Variants in PTPN23 observed in about 807,000 individuals in gnomAD.
PTPN23 encodes the protein protein tyrosine phosphatase non-receptor type 23.
A neutral mutation model predicts 156.3 loss-of-function variants in PTPN23; 72 were observed. That is an observed-to-expected ratio of 0.46 (90% CI 0.38 to 0.56). The LOEUF (loss-of-function observed/expected upper bound fraction) is 0.56. Among genes scored for constraint, PTPN23 ranks in the 20% least tolerant of loss-of-function variants. PTPN23 has a pLI of 0.00. For missense variants in PTPN23, 1,974 were observed against 2,171.5 expected (o/e 0.91, Z 1.81); for synonymous variants, 957 against 899.6 (o/e 1.06, Z -1.14).
Position 47,394,708 on chromosome 3 carries a change from T to A in PTPN23, c.85-1435T>A, listed in dbSNP as rs187582189. On this transcript the variant is annotated intron_variant, in intron 1 of 24. Transcript: ENST00000265562. ...TTTGGTCCTAGAGGCTTTGGGAAGC[T>A]ACTGCACACATTCTTTTTAGATTAT... Among the ~76,000 whole-genome samples, 4 of 152,358 alleles carry A rather than the reference T, an allele frequency of 2.6e-5. No individual in the cohort carries two copies. In the East Asian group the frequency reaches 5.8e-4, roughly 22 times the overall value.
rs1171338122 is a variant in PTPN23, at chr3:47,411,213, C to T, written c.3415C>T (p.Pro1139Ser). The change falls in exon 20 of 25, where the codon CCC (proline) becomes TCC (serine). Residue 1139 changes from proline (P) to serine (S), a missense_variant. Transcript: ENST00000265562. The surrounding 1 kb of genome is among the most constrained non-coding windows in gnomAD (Gnocchi z 6.3). The part of the protein sequence containing the change: ...GGTQSPGGGQ[P>S]LLQPTKVDAA... ...CACTCAGTCTCCTGGGGGTGGGCAGCCCCTGCTGCAGCCCACCAAGGTGGA... is the reference window on the plus strand; with the variant it reads ...CACTCAGTCTCCTGGGGGTGGGCAGTCCCTGCTGCAGCCCACCAAGGTGGA... 1 of 1,604,664 alleles carries T rather than the reference C, an allele frequency of 6.2e-7. No homozygotes were observed. Among genetic ancestry groups the T allele is most frequent in the South Asian group, 1.1e-5 (1 of 90,616 alleles).
intron 2 of PTPN23, among the ~76,000 whole-genome samples, chr3:47,399,244 G>A (rs1276909104): frequency 6.6e-6 from 1 of 152,154 alleles, no homozygotes; most frequent in Admixed American, 6.5e-5. Context: ...TGGGGGTGGG[G>A]GATGGGTGGC....
chr3:47,410,212 C>T lies in PTPN23; in HGVS notation c.2414C>T (p.Pro805Leu). 1.2e-6 allele frequency: 2 copies of T among 1,610,798 alleles called. No individual in the cohort carries two copies. Among genetic ancestry groups the T allele is most frequent in the Non-Finnish European group, 1.7e-6 (2 of 1,178,438 alleles). ...TCGGGCCCCACCCAGCTGATACAGC[C>T]CAGGGCCCCAGGGCCCCATGCAATG... ...TYSGPTQLIQ[P>L]RAPGPHAMPV... Residue 805 changes from proline to leucine, a missense_variant, in exon 20 of 25, where the codon CCC becomes CTC. Coordinates refer to ENST00000265562, the MANE Select transcript of PTPN23 (RefSeq NM_015466.4).
At chr3:47,390,857 A>G (rs545218463) in intron 1 of PTPN23, among the ~76,000 whole-genome samples, 1 of 152,328 alleles carries the variant, frequency 6.6e-6, no homozygotes, top group East Asian at 1.9e-4. Context: ...TTTTTAAAAA[A>G]TAGAAATGCT....
At position 47,407,285 on chromosome 3, in the gene PTPN23, C is replaced by G; in HGVS notation, c.865-24C>G. 1 of 1,613,666 alleles carries G rather than the reference C, an allele frequency of 6.2e-7. No homozygotes were observed. Among genetic ancestry groups the G allele is most frequent in the South Asian group, 1.1e-5 (1 of 91,056 alleles). Reference sequence around the variant, plus strand: ...GCCAGCCTTGGTTAGTGCTAAGGCCCCACCCCTGTCCCTAACCCCACAGGG... The same window carrying G: ...GCCAGCCTTGGTTAGTGCTAAGGCCGCACCCCTGTCCCTAACCCCACAGGG... On this transcript the variant is annotated intron_variant, in intron 10 of 24. Transcript: ENST00000265562. The surrounding 1 kb of genome is among the most constrained non-coding windows in gnomAD (Gnocchi z 4.0).
At position 47,406,095 on chromosome 3, in the gene PTPN23, G is replaced by A. The variant is rs778109596; in HGVS notation, c.546+49G>A. On this transcript the variant is annotated intron_variant, in intron 6 of 24. Transcript: ENST00000265562. This position sits in a 1 kb window ranked among gnomAD's most constrained non-coding sequence, Gnocchi z 5.8. ...TGGAGTTGAATCCAGGGAAGGGGAT[G>A]GCCAGGGAGGGGGCAGTTGGGCCTG... is the stretch of plus-strand genomic sequence containing the variant. 65 of 1,596,088 alleles carry A rather than the reference G, an allele frequency of 4.1e-5. No individual in the cohort carries two copies. Among genetic ancestry groups the A allele is most frequent in the Non-Finnish European group, 4.9e-5 (57 of 1,172,128 alleles).
At chr3:47,382,589 G>A (rs1219752930) in intron 1 of PTPN23, among the ~76,000 whole-genome samples, 1 of 151,504 alleles carries the variant, frequency 6.6e-6, no homozygotes, top group Non-Finnish European at 1.5e-5. Context: ...CCAAAGTGCT[G>A]GGATTACAGG....
Position 47,410,108 on chromosome 3 carries a change from C to G in PTPN23, c.2310C>G (p.His770Gln). The G allele has an allele frequency of 6.2e-7, 1 of 1,604,690 alleles. No homozygotes were observed. The change falls in exon 20 of 25, where the codon CAC (histidine) becomes CAG (glutamine). Residue 770 changes from histidine to glutamine, a missense_variant. By Grantham distance (24) the His-to-Gln change is conservative (BLOSUM62 0). This residue lies in a region of PTPN23 where 731 missense variants were observed against 669.1 expected (regional missense o/e 1.09). Coordinates refer to ENST00000265562, the MANE Select transcript of PTPN23 (RefSeq NM_015466.4). ...DTFLGSATPL[H>Q]FPPSPFPSST... The stretch of plus-strand genomic sequence containing the variant: ...TCCTGGGAAGTGCCACCCCGCTCCA[C>G]TTTCCTCCCAGCCCCTTCCCCAGCT...
rs1205497617 is a variant in PTPN23, at chr3:47,409,148, C to G, written c.1643-15C>G. Reference sequence around the variant, plus strand: ...TGGGGGTTTCTCTGGCCTCACTGACCACTGCTGCCCACAGAGGACAAGGCC... The same window carrying G: ...TGGGGGTTTCTCTGGCCTCACTGACGACTGCTGCCCACAGAGGACAAGGCC... On this transcript the variant is annotated splice_polypyrimidine_tract_variant and intron_variant, in intron 16 of 24. Transcript: ENST00000265562. 3.1e-6 allele frequency: 5 copies of G among 1,610,344 alleles called. No individual in the cohort carries two copies. The highest frequency in any genetic ancestry group is 1.1e-5 in the South Asian group (1 of 90,738).
intron 1 of PTPN23, among the ~76,000 whole-genome samples, chr3:47,382,675 CTTTTCTTTTTTTTTTTTTTTTT>C (rs1176326834): frequency 1.6e-5 from 1 of 63,272 alleles, no homozygotes; most frequent in Admixed American, 1.9e-4. Context: ...TTTTCTTTTT[CTTTTCTTTTTTTTTTTTTTTTT>C]TTTTTTTTTG....
rs1364343887 is a variant in PTPN23 at position 47,410,405 on chromosome 3, A to G, written c.2607A>G (p.Ser869=). The stretch of plus-strand genomic sequence containing the variant: ...CCTCGGCCCCACCTCCTCAATTCTC[A>G]GGCCCCGAGTTGGCCATGGCGGTTC... ...GLPSAPPPQF[S]GPELAMAVRP... The change falls in exon 20 of 25, where the codon TCA becomes TCG. Residue 869 remains serine (S), a synonymous_variant. Transcript: ENST00000265562. 6.2e-7 allele frequency: 1 copy of G among 1,611,582 alleles called. No homozygotes were observed. The highest frequency in any genetic ancestry group is 8.5e-7 in the Non-Finnish European group (1 of 1,179,214).
Position 47,412,850 on chromosome 3 carries a change from C to T in PTPN23, c.4576C>T (p.Pro1526Ser). ...PVASLPGPAE[P>S]PGLPPASLPE... is the part of the protein sequence containing the mutation. ...TGCCAGCTTGCCAGGCCCTGCAGAG[C>T]CCCCAGGCCTCCCGCCAGCCAGCCT... is the stretch of plus-strand genomic sequence containing the variant. The change falls in exon 25 of 25, where the codon CCC becomes TCC. Residue 1526 changes from proline (P) to serine (S), a missense_variant. Physicochemically the swap from Pro to Ser is moderately conservative, Grantham distance 74. Coordinates refer to ENST00000265562, the MANE Select transcript of PTPN23 (RefSeq NM_015466.4). 1 of 1,613,334 alleles carries T rather than the reference C, an allele frequency of 6.2e-7. No homozygotes were observed. Among genetic ancestry groups the T allele is most frequent in the Non-Finnish European group, 8.5e-7 (1 of 1,179,804 alleles).
At position 47,407,059 on chromosome 3, in the gene PTPN23, G is replaced by A. The variant is rs944412460; in HGVS notation, c.808-71G>A. On this transcript the variant is annotated intron_variant, in intron 9 of 24. Coordinates refer to ENST00000265562, the MANE Select transcript of PTPN23 (RefSeq NM_015466.4). This position sits in a 1 kb window ranked among gnomAD's most constrained non-coding sequence, Gnocchi z 4.0. ...TGTCATCTGATGGACAGGCAGGGCCGGGTGGGAGGCAGGAGGAGAAAGGGT... is the reference window on the plus strand; with the variant it reads ...TGTCATCTGATGGACAGGCAGGGCCAGGTGGGAGGCAGGAGGAGAAAGGGT... 36 of 1,592,100 alleles carry A rather than the reference G, an allele frequency of 2.3e-5. 1 individual carries two copies. The highest frequency in any genetic ancestry group is 1.0e-4 in the Admixed American group (6 of 59,616).
At position 47,413,254 on chromosome 3, in the gene PTPN23, A is replaced by G. The variant is rs1329997404; in HGVS notation, c.*69A>G. 2.6e-6 allele frequency: 4 copies of G among 1,531,740 alleles called. No individual in the cohort carries two copies. Among genetic ancestry groups the G allele is most frequent in the Non-Finnish European group, 3.5e-6 (4 of 1,132,448 alleles). 94.9% of individuals were successfully genotyped at this position (1,531,740 alleles called of 1,614,324 possible). Reference sequence around the variant, plus strand: ...TCATGCCCACCTGCCCACACCCAGCAGAGCTTCTCAGTGGGCACAGTCTCT... The same window carrying G: ...TCATGCCCACCTGCCCACACCCAGCGGAGCTTCTCAGTGGGCACAGTCTCT... On this transcript the variant is annotated 3_prime_UTR_variant, in exon 25 of 25. Coordinates refer to ENST00000265562, the MANE Select transcript of PTPN23 (RefSeq NM_015466.4).
chr3:47,392,258 T>A (rs1325693535), intron 1 of PTPN23, among the ~76,000 whole-genome samples: 1 of 152,102 alleles, frequency 6.6e-6, no homozygotes, highest in Non-Finnish European at 1.5e-5. Flanking sequence ...CCATCATAGC[T>A]CACTGCAGCT....
rs141407213 is a variant in PTPN23 at position 47,412,362 on chromosome 3, G to C, written c.4258G>C (p.Glu1420Gln). ...GGTGGAGGCTGGGAACGGAATCCCT[G>C]AGCTGCCTCAGCTGGTGCGGCGCAT... ...QEVEAGNGIP[E>Q]LPQLVRRMRQ... The change falls in exon 23 of 25, where the codon GAG becomes CAG. Residue 1420 changes from glutamate to glutamine, a missense_variant. Transcript: ENST00000265562. The C allele has an allele frequency of 4.3e-5, 69 of 1,613,246 alleles. 1 individual carries two copies. The East Asian group carries it at 1.5e-3, about 35-fold the overall frequency.
intron 2 of PTPN23, among the ~76,000 whole-genome samples, chr3:47,399,207 C>T (rs2107706348): frequency 6.6e-6 from 1 of 152,296 alleles, no homozygotes; most frequent in Non-Finnish European, 1.5e-5. Flanking sequence ...CATGCTGGCT[C>T]CCACAAGCTG....
intron 1 of PTPN23, among the ~76,000 whole-genome samples, chr3:47,392,301 G>A (rs904691133): frequency 6.6e-6 from 1 of 151,962 alleles, no homozygotes; most frequent in Non-Finnish European, 1.5e-5. Context: ...TCCTGCCTCA[G>A]CCTCCCAACT....
Position 47,410,153 on chromosome 3 carries a change from C to T in PTPN23, c.2355C>T (p.His785=), listed in dbSNP as rs772840078. Residue 785 remains histidine (H), a synonymous_variant, in exon 20 of 25, where the codon CAC becomes CAT. Coordinates refer to ENST00000265562, the MANE Select transcript of PTPN23 (RefSeq NM_015466.4). ...PFPSSTGPGP[H]YLSGPLPPGT... is the part of the protein sequence containing the mutation. ...CCAGCTCCACAGGCCCAGGACCCCACTATCTCTCAGGCCCCTTGCCCCCTG... is the reference window on the plus strand; with the variant it reads ...CCAGCTCCACAGGCCCAGGACCCCATTATCTCTCAGGCCCCTTGCCCCCTG... The T allele has an allele frequency of 3.8e-6, 6 of 1,593,290 alleles. No homozygotes were observed. The highest frequency in any genetic ancestry group is 1.1e-5 in the South Asian group (1 of 87,988).
Sources: gnomAD v4.1 joint callset for allele counts (sites outside exome capture counted in the v4.1 genomes callset) on GRCh38, gnomAD v4.1.1 for gene constraint, gnomAD v4.1.1 regional missense constraint, Gnocchi (gnomAD v3.1) non-coding constraint, MANE v1.5 for transcripts, NCBI Gene and HGNC (gene_info 2026-07-23, HGNC 2026-07-21) for gene names.